The following SPOCK1 variants were observed in gnomAD, a reference collection of about 807,000 sequenced individuals.
The protein encoded by SPOCK1 is testican-1.
SPOCK1 carries 23 observed loss-of-function variants against 55.3 expected under a neutral mutation model. The ratio of observed to expected loss-of-function variants is 0.42; its 90% CI spans 0.30 to 0.59. The LOEUF (loss-of-function observed/expected upper bound fraction) is 0.59, where lower values mean the gene tolerates loss of function less well. Among genes scored for constraint, SPOCK1 ranks in the 20% least tolerant of loss-of-function variants. The pLI is 0.22. For synonymous variants in SPOCK1, 226 were observed against 221.0 expected, an observed-to-expected ratio of 1.02 and a Z score of -0.20; for missense variants, 499 against 552.5, an observed-to-expected ratio of 0.90 and a Z score of 0.97.
At chr5:137,426,548 T>C (rs981031156) in intron 2 of SPOCK1, among the ~76,000 whole-genome samples, 1 of 152,168 alleles carries the variant, frequency 6.6e-6, no homozygotes, top group Non-Finnish European at 1.5e-5. Flanking sequence ...TTCTCCTACA[T>C]TTGTAGGATA....
At position 137,170,872 on chromosome 5, in the gene SPOCK1, C is replaced by T. The variant is rs144088246; in HGVS notation, c.233-30178G>A. Among the ~76,000 whole-genome samples, 99 of 152,214 alleles carry T rather than the reference C, an allele frequency of 6.5e-4. 1 individual carries two copies. The highest frequency in any genetic ancestry group is 2.0e-3 in the African/African-American group (83 of 41,532). On this transcript the variant is annotated intron_variant, in intron 3 of 10. Transcript: ENST00000394945. The stretch of plus-strand genomic sequence containing the variant: ...TTTTAAAGATAAGGAAACTAAAGCT[C>T]AAAGAGGCTGTGAGACTCACCTGAG...
rs543824544 is a variant in SPOCK1, at chr5:137,224,818, T to G, written c.232+42192A>C. Among the ~76,000 whole-genome samples, 3 of 152,224 alleles carry G rather than the reference T, an allele frequency of 2.0e-5. No individual in the cohort carries two copies. The East Asian group carries it at 5.8e-4, about 29-fold the overall frequency. ...CTTCTCACAGGCTGCTGCAATGACC[T>G]GGGAAGACAATTAGCCAGGCTCCTC... is the stretch of plus-strand genomic sequence containing the variant. On this transcript the variant is annotated intron_variant, in intron 3 of 10. Coordinates refer to ENST00000394945, the MANE Select transcript of SPOCK1 (RefSeq NM_004598.4).
intron 2 of SPOCK1, among the ~76,000 whole-genome samples, chr5:137,418,605 T>C (rs1235219424): frequency 3.9e-5 from 6 of 152,260 alleles, no homozygotes; most frequent in Non-Finnish European, 8.8e-5. Flanking sequence ...AATGTCTTTT[T>C]TTGAGAAGTG....
chr5:137,170,401 GGTACTGCTAT>G, intron 3 of SPOCK1, among the ~76,000 whole-genome samples: 2 of 152,296 alleles, frequency 1.3e-5, no homozygotes, highest in South Asian at 4.1e-4. Flanking sequence ...AAATGAAGCA[GGTACTGCTAT>G]GGACTGAATT....
intron 2 of SPOCK1, among the ~76,000 whole-genome samples, chr5:137,313,985 C>T (rs1757832968): frequency 1.3e-5 from 2 of 150,030 alleles, no homozygotes; most frequent in South Asian, 4.5e-4. Flanking sequence ...TGCACCACAC[C>T]CACCTGCAGA....
chr5:137,372,487 A>G (rs1231891513), intron 2 of SPOCK1, among the ~76,000 whole-genome samples: 1 of 152,198 alleles, frequency 6.6e-6, no homozygotes, highest in Non-Finnish European at 1.5e-5. Context: ...CATCACTAAA[A>G]CTTGCTAAAA....
intron 6 of SPOCK1, among the ~76,000 whole-genome samples, chr5:137,011,800 T>C (rs1183865249): frequency 6.6e-6 from 1 of 152,164 alleles, no homozygotes; most frequent in African/African-American, 2.4e-5. Flanking sequence ...GTCAAGATGG[T>C]TCATTTGTCT....
At chr5:137,423,381 G>A (rs1357943054) in intron 2 of SPOCK1, among the ~76,000 whole-genome samples, 1 of 152,230 alleles carries the variant, frequency 6.6e-6, no homozygotes, top group Non-Finnish European at 1.5e-5. Flanking sequence ...TGCCCCCAGA[G>A]GTGGAGTCTA....
intron 2 of SPOCK1, 117 bp from the exon 3 acceptor site, chr5:137,267,172 T>C: frequency 2.4e-6 from 2 of 820,592 alleles, no homozygotes; most frequent in South Asian, 3.5e-5. Flanking sequence ...ACTGAAAGCT[T>C]AGAAATTTTT....
chr5:137,120,466 C>T (rs1385870664), intron 4 of SPOCK1, among the ~76,000 whole-genome samples: 1 of 152,194 alleles, frequency 6.6e-6, no homozygotes, highest in African/African-American at 2.4e-5. Context: ...TGGGACTCCA[C>T]GATGTACCTC....
At chr5:137,159,431 T>C (rs543682173) in intron 3 of SPOCK1, among the ~76,000 whole-genome samples, 5 of 152,270 alleles carry the variant, frequency 3.3e-5, no homozygotes, top group South Asian at 2.1e-4. Flanking sequence ...CTGAGTAGCA[T>C]ACACTGTACC....
intron 2 of SPOCK1, among the ~76,000 whole-genome samples, chr5:137,385,676 T>A (rs917813869): frequency 1.3e-5 from 2 of 152,196 alleles, no homozygotes; most frequent in African/African-American, 4.8e-5. Flanking sequence ...AGTGCTGAGA[T>A]TGAGCCCACA....
chr5:137,112,540 G>A lies in SPOCK1; in HGVS notation c.369C>T (p.Ala123=). The change falls in exon 5 of 11, where the codon GCC becomes GCT. Residue 123 remains alanine, a synonymous_variant. Transcript: ENST00000394945. Reference sequence around the variant, plus strand: ...TCGAAGGTCCAACCCAGTGTTTCTGGGCCACGTTCCCCTTCTTTTGCCTAA... The same window carrying A: ...TCGAAGGTCCAACCCAGTGTTTCTGAGCCACGTTCCCCTTCTTTTGCCTAA... ...LLPRQKKGNV[A]QKHWVGPSNL... The A allele has an allele frequency of 1.2e-6, 2 of 1,613,482 alleles. No individual in the cohort carries two copies. Among genetic ancestry groups the A allele is most frequent in the Non-Finnish European group, 1.7e-6 (2 of 1,179,936 alleles).
rs747111809 is a variant in SPOCK1, at chr5:136,988,578, T to C, written c.772A>G (p.Met258Val). 1.5e-5 allele frequency: 24 copies of C among 1,614,026 alleles called. No individual in the cohort carries two copies. The highest frequency in any genetic ancestry group is 1.6e-4 in the Middle Eastern group (1 of 6,082). The change falls in exon 8 of 11, where the codon ATG becomes GTG. Residue 258 changes from methionine (M) to valine (V), a missense_variant. Met to Val is a conservative substitution (Grantham distance 21). Around this residue, in one of 3 missense-constraint regions of SPOCK1, gnomAD observed 386 missense variants for 400.6 expected, o/e 0.96. Transcript: ENST00000394945. ...SLGWMFNKLD[M>V]NYDLLLDPSE... ...GGGTCAAGCAGGAGGTCATAGTTCA[T>C]GTCCAACTTGTTGAACATCCAGCCC... is the stretch of plus-strand genomic sequence containing the variant.
intron 6 of SPOCK1, among the ~76,000 whole-genome samples, chr5:137,065,227 C>CAAAAA (rs10697469): frequency 5.2e-5 from 6 of 116,126 alleles, no homozygotes; most frequent in East Asian, 2.5e-4. Context: ...GATTTCATCT[C>CAAAAA]AAAAAAAAAA....
intron 2 of SPOCK1, among the ~76,000 whole-genome samples, chr5:137,309,902 C>A (rs560237853): frequency 6.6e-6 from 1 of 152,312 alleles, no homozygotes; most frequent in South Asian, 2.1e-4. Context: ...TGACATATCA[C>A]ATGTCATAGG....
Position 137,302,341 on chromosome 5 carries a change from G to A in SPOCK1, c.187-35286C>T, listed in dbSNP as rs573166210. 4.6e-4 allele frequency among the ~76,000 whole-genome samples: 70 copies of A among 151,964 alleles called. 1 individual carries two copies. Among genetic ancestry groups the A allele is most frequent in the Middle Eastern group, 3.4e-3 (1 of 294 alleles). On this transcript the variant is annotated intron_variant, in intron 2 of 10. Coordinates refer to ENST00000394945, the MANE Select transcript of SPOCK1 (RefSeq NM_004598.4). Reference sequence around the variant, plus strand: ...TCCCAGCACTTTGGGAGGCCAAGGCGGGCAGATCACAAGGTCAGGAGATTG... The same window carrying A: ...TCCCAGCACTTTGGGAGGCCAAGGCAGGCAGATCACAAGGTCAGGAGATTG...
At chr5:137,179,556 CT>C (rs1371465686) in intron 3 of SPOCK1, among the ~76,000 whole-genome samples, 1 of 152,096 alleles carries the variant, frequency 6.6e-6, no homozygotes, top group Non-Finnish European at 1.5e-5. Context: ...CTTACGACAC[CT>C]TTTTGTTTAA....
chr5:137,063,556 C>T (rs77352343), intron 6 of SPOCK1, among the ~76,000 whole-genome samples: 1,647 of 152,280 alleles, frequency 0.011, 28 homozygotes, highest in African/African-American at 0.038. Context: ...GTTAGACCTG[C>T]CTCATACATC....
Sources: allele counts gnomAD v4.1 joint callset (sites outside exome capture counted in the v4.1 genomes callset), GRCh38; gene constraint gnomAD v4.1.1; regional missense constraint gnomAD v4.1.1; transcripts MANE v1.5; gene names NCBI Gene and HGNC (gene_info 2026-07-23, HGNC 2026-07-21).